SLC10A7: variants seen among roughly 807,000 people sequenced by gnomAD.
SLC10A7 encodes the protein solute carrier family 10 member 7, also known as sodium/bile acid cotransporter 7.
In SLC10A7, 29 loss-of-function variants were observed where a neutral mutation model predicts 43.2. The ratio of observed to expected loss-of-function variants is 0.67; its 90% CI spans 0.50 to 0.92. SLC10A7 has a LOEUF of 0.92. SLC10A7 is among the 40% of genes least tolerant of loss of function. The pLI, the probability that SLC10A7 is intolerant of heterozygous loss-of-function variation, is 0.00. For missense variants in SLC10A7, 295 were observed against 403.2 expected (o/e 0.73, Z 2.30); for synonymous variants, 152 against 144.8 (o/e 1.05, Z -0.35).
intron 5 of SLC10A7, among the ~76,000 whole-genome samples, chr4:146,384,503 G>C (rs1418566789): frequency 6.6e-6 from 1 of 152,024 alleles, no homozygotes; most frequent in Non-Finnish European, 1.5e-5. Flanking sequence ...CCAGTTCCTT[G>C]AAAGAACACA....
chr4:146,294,023 G>A lies in SLC10A7; in HGVS notation c.628C>T (p.Leu210Phe), dbSNP rs764016906. 17 of 1,612,080 alleles carry A rather than the reference G, an allele frequency of 1.1e-5. No individual in the cohort carries two copies. The South Asian group carries it at 1.7e-4, about 16-fold the overall frequency. Residue 210 changes from leucine to phenylalanine, a missense_variant, in exon 8 of 12, where the codon CTC (leucine) becomes TTC (phenylalanine). By Grantham distance (22) the Leu-to-Phe change is conservative. Around this residue, in one of 2 missense-constraint regions of SLC10A7, gnomAD observed 242 missense variants for 362.5 expected, o/e 0.67. Coordinates refer to ENST00000335472, the MANE Select transcript of SLC10A7 (RefSeq NM_001029998.6). ...PPFGAISSSV[L>F]LMIIYTTFCD... ...AATGTTGTGTAGATGATCATGAGGA[G>A]TACACTGCTGCTGATAGCACCAAAA...
At chr4:146,421,120 C>T (rs932022150) in intron 5 of SLC10A7, among the ~76,000 whole-genome samples, 8 of 152,146 alleles carry the variant, frequency 5.3e-5, no homozygotes, top group Admixed American at 2.0e-4. Context: ...TTTATGAATG[C>T]TTGCTAATGG....
At chr4:146,442,275 A>G (rs1219455739) in intron 5 of SLC10A7, 11 of 978,220 alleles carry the variant, frequency 1.1e-5, no homozygotes, top group African/African-American at 1.8e-5. Context: ...TTTACTTGCA[A>G]ATTACTCATT....
chr4:146,267,816 G>C (rs1728654306), intron 10 of SLC10A7, among the ~76,000 whole-genome samples: 1 of 152,158 alleles, frequency 6.6e-6, no homozygotes, highest in Non-Finnish European at 1.5e-5. Flanking sequence ...TGGGTTCACT[G>C]AATCTACTTA....
At chr4:146,381,199 C>T (rs911598816) in intron 5 of SLC10A7, among the ~76,000 whole-genome samples, 3 of 152,148 alleles carry the variant, frequency 2.0e-5, no homozygotes, top group Non-Finnish European at 4.4e-5. Context: ...AAATCTGACT[C>T]TGGTTTTCAG....
At chr4:146,262,056 A>T (rs978058576) in intron 10 of SLC10A7, among the ~76,000 whole-genome samples, 6 of 152,114 alleles carry the variant, frequency 3.9e-5, no homozygotes, top group Admixed American at 2.6e-4. Flanking sequence ...TGGACTTAAA[A>T]TTTTCCTTTT....
intron 3 of SLC10A7, among the ~76,000 whole-genome samples, chr4:146,506,398 A>G (rs1455413149): frequency 6.6e-6 from 1 of 152,254 alleles, no homozygotes; most frequent in Non-Finnish European, 1.5e-5. Context: ...AGAAATATAG[A>G]TAACTAACAG....
intron 5 of SLC10A7, among the ~76,000 whole-genome samples, chr4:146,340,535 GGA>G (rs35059793): frequency 0.016 from 2,224 of 141,426 alleles, 36 homozygotes; most frequent in African/African-American, 0.046. Flanking sequence ...ATATATATAT[GGA>G]GAGAGAGAGA....
intron 5 of SLC10A7, among the ~76,000 whole-genome samples, chr4:146,352,412 C>T (rs1270808843): frequency 2.1e-5 from 2 of 93,166 alleles, no homozygotes; most frequent in East Asian, 3.4e-4. Flanking sequence ...TACAAAGAGA[C>T]TTAGACTCCC....
At chr4:146,387,475 A>G (rs989374882) in intron 5 of SLC10A7, among the ~76,000 whole-genome samples, 1 of 152,206 alleles carries the variant, frequency 6.6e-6, no homozygotes, top group African/African-American at 2.4e-5. Flanking sequence ...CCCAGAGCCA[A>G]CATCATATGC....
At chr4:146,320,344 A>C (rs1385854518) in intron 6 of SLC10A7, among the ~76,000 whole-genome samples, 1 of 151,972 alleles carries the variant, frequency 6.6e-6, no homozygotes, top group Admixed American at 6.6e-5. Context: ...AAGGAATTAT[A>C]ATGATGGACC....
intron 1 of SLC10A7, among the ~76,000 whole-genome samples, chr4:146,518,200 A>G (rs1442870150): frequency 6.6e-6 from 1 of 152,204 alleles, no homozygotes; most frequent in African/African-American, 2.4e-5. Flanking sequence ...AAAAAACAAC[A>G]TTCTTTCAAA....
intron 5 of SLC10A7, among the ~76,000 whole-genome samples, chr4:146,380,890 G>C (rs1737568471): frequency 6.6e-6 from 1 of 152,014 alleles, no homozygotes; most frequent in Non-Finnish European, 1.5e-5. Context: ...AAAAAAAATA[G>C]ATAATTTAGA....
chr4:146,387,338 C>T (rs973257018), intron 5 of SLC10A7, among the ~76,000 whole-genome samples: 26 of 152,218 alleles, frequency 1.7e-4, no homozygotes, highest in African/African-American at 4.8e-4. Flanking sequence ...AAATGTGATT[C>T]GCCACATAAA....
chr4:146,279,278 T>C (rs760962809), intron 10 of SLC10A7, among the ~76,000 whole-genome samples: 3 of 152,184 alleles, frequency 2.0e-5, no homozygotes, highest in Non-Finnish European at 4.4e-5. Context: ...GCTTGCTAAG[T>C]ATCGTGAGAA....
At chr4:146,375,811 T>A (rs1269881901) in intron 5 of SLC10A7, among the ~76,000 whole-genome samples, 2 of 152,070 alleles carry the variant, frequency 1.3e-5, no homozygotes, top group African/African-American at 4.8e-5. Context: ...GTCCTCTAAT[T>A]CAATTCTATT....
chr4:146,281,093 T>C (rs1411836337), intron 10 of SLC10A7, among the ~76,000 whole-genome samples: 3 of 152,168 alleles, frequency 2.0e-5, no homozygotes, highest in African/African-American at 7.2e-5. Context: ...CAACCCTTTT[T>C]AGCAAAACAA....
At position 146,348,089 on chromosome 4, in the gene SLC10A7, A is replaced by C. The variant is rs148678565; in HGVS notation, c.436-22093T>G. On this transcript the variant is annotated intron_variant, in intron 5 of 11. Transcript: ENST00000335472. Reference sequence around the variant, plus strand: ...TTATATATTCCAGGAAAAATAACTAATGGGGGTCACCAAGCTCTAACCTCT... The same window carrying C: ...TTATATATTCCAGGAAAAATAACTACTGGGGGTCACCAAGCTCTAACCTCT... 3.9e-3 allele frequency among the ~76,000 whole-genome samples: 594 copies of C among 152,288 alleles called. 2 individuals are homozygous for C. The highest frequency in any genetic ancestry group is 0.013 in the African/African-American group (544 of 41,566).
chr4:146,428,950 T>A (rs938213754), intron 5 of SLC10A7, among the ~76,000 whole-genome samples: 1 of 152,142 alleles, frequency 6.6e-6, no homozygotes, highest in Admixed American at 6.5e-5. Context: ...ATTATTTCAA[T>A]GAAAATAGCA....
Sources: gnomAD v4.1 joint callset for allele counts (sites outside exome capture counted in the v4.1 genomes callset) on GRCh38, gnomAD v4.1.1 for gene constraint, gnomAD v4.1.1 regional missense constraint, MANE v1.5 for transcripts, NCBI Gene and HGNC (gene_info 2026-07-23, HGNC 2026-07-21) for gene names.